The following RIMBP2 variants were observed in gnomAD, a reference collection of about 807,000 sequenced individuals.
The protein encoded by RIMBP2 is RIMS-binding protein 2.
A neutral mutation model predicts 118.6 loss-of-function variants in RIMBP2; 48 were observed. The observed-to-expected ratio is 0.40, with a 90% CI of 0.32 to 0.51. The LOEUF is 0.51. RIMBP2 is among the 20% of genes least tolerant of loss of function. The pLI, the probability that RIMBP2 is intolerant of heterozygous loss-of-function variation, is 0.41. For missense variants in RIMBP2, 1,551 were observed against 1,768.3 expected, an observed-to-expected ratio of 0.88 and a Z score of 2.20; for synonymous variants, 762 against 742.9, an observed-to-expected ratio of 1.03 and a Z score of -0.42.
chr12:130,553,120 T>C (rs886844484), intron 2 of RIMBP2, among the ~76,000 whole-genome samples: 11 of 148,536 alleles, frequency 7.4e-5, no homozygotes, highest in Non-Finnish European at 1.3e-4. Flanking sequence ...ACCACTGCAC[T>C]CCAGCCTGGG....
At chr12:130,628,026 C>T (rs140761019) in intron 2 of RIMBP2, among the ~76,000 whole-genome samples, 134 of 152,292 alleles carry the variant, frequency 8.8e-4, no homozygotes, top group Middle Eastern at 3.4e-3. Context: ...CCCTGAGGTC[C>T]TGAATGAACT....
intron 2 of RIMBP2, among the ~76,000 whole-genome samples, chr12:130,595,680 A>AG (rs11451105): frequency 0.81 from 122,859 of 152,206 alleles, 49,848 homozygotes; most frequent in South Asian, 0.88. Flanking sequence ...GTGTGAGAAC[A>AG]ATGCGCGTGC....
intron 5 of RIMBP2, among the ~76,000 whole-genome samples, chr12:130,478,709 G>A (rs2081660286): frequency 6.6e-6 from 1 of 152,140 alleles, no homozygotes; most frequent in Admixed American, 6.5e-5. Context: ...ATCTGCTTTC[G>A]CGTTATAAAA....
chr12:130,559,290 C>G (rs1223234738), intron 2 of RIMBP2, among the ~76,000 whole-genome samples: 3 of 152,130 alleles, frequency 2.0e-5, no homozygotes, highest in Admixed American at 6.5e-5. Flanking sequence ...ATTTTGTATC[C>G]TTCCAACAAC....
chr12:130,536,025 G>C (rs879319361), intron 2 of RIMBP2, among the ~76,000 whole-genome samples: 14 of 152,054 alleles, frequency 9.2e-5, no homozygotes, highest in Non-Finnish European at 2.1e-4. Context: ...CTGAGCTCAA[G>C]CAATCTCTCC....
At chr12:130,490,122 T>TAA (rs1566133873) in intron 4 of RIMBP2, among the ~76,000 whole-genome samples, 59 of 83,056 alleles carry the variant, frequency 7.1e-4, no homozygotes, top group African/African-American at 2.9e-3. Flanking sequence ...AGACTCTGTC[T>TAA]CAAAAAAAAA....
intron 2 of RIMBP2, among the ~76,000 whole-genome samples, chr12:130,618,264 G>A (rs992784897): frequency 1.3e-5 from 2 of 152,050 alleles, no homozygotes; most frequent in Non-Finnish European, 2.9e-5. Context: ...TTCACTCCTG[G>A]TTTGATCCAG....
chr12:130,402,448 T>C (rs891978506), intron 21 of RIMBP2, among the ~76,000 whole-genome samples: 1 of 152,108 alleles, frequency 6.6e-6, no homozygotes. Context: ...TTTCGGGCCA[T>C]GTTTCCTGCC....
At chr12:130,714,945 C>T (rs911797109) in intron 1 of RIMBP2, among the ~76,000 whole-genome samples, 4 of 152,224 alleles carry the variant, frequency 2.6e-5, no homozygotes, top group African/African-American at 7.2e-5. Flanking sequence ...GAGCCTTCCC[C>T]CACTGTTCCC....
At chr12:130,600,209 A>G (rs1187567442) in intron 2 of RIMBP2, among the ~76,000 whole-genome samples, 3 of 152,250 alleles carry the variant, frequency 2.0e-5, no homozygotes, top group Non-Finnish European at 4.4e-5. Flanking sequence ...GAGCACTGCC[A>G]TCTTGGACAA....
chr12:130,543,460 C>T lies in RIMBP2; in HGVS notation c.-216-25543G>A, dbSNP rs567875519. On this transcript the variant is annotated intron_variant, in intron 2 of 22. Transcript: ENST00000690449. The stretch of plus-strand genomic sequence containing the variant: ...AGAAAAGATTCTAGCCCATACCAAC[C>T]GTATTGCTGCAGAAAAACTCAGGCC... Among the ~76,000 whole-genome samples, 11 of 152,184 alleles carry T rather than the reference C, an allele frequency of 7.2e-5. No individual in the cohort carries two copies. In the South Asian group the frequency reaches 1.7e-3, roughly 23 times the overall value.
intron 2 of RIMBP2, among the ~76,000 whole-genome samples, chr12:130,575,560 T>TG (rs2058031548): frequency 6.6e-6 from 1 of 152,234 alleles, no homozygotes; most frequent in South Asian, 2.1e-4. Flanking sequence ...GACCCATTCC[T>TG]GCCTGCAACT....
chr12:130,439,913 C>G (rs1431842551), intron 11 of RIMBP2, among the ~76,000 whole-genome samples: 2 of 134,244 alleles, frequency 1.5e-5, no homozygotes, highest in Non-Finnish European at 3.1e-5. Context: ...CTATGTGAGT[C>G]TGTGGGGGTG....
intron 1 of RIMBP2, among the ~76,000 whole-genome samples, chr12:130,644,829 A>C (rs2062778711): frequency 6.6e-6 from 1 of 152,222 alleles, no homozygotes; most frequent in South Asian, 2.1e-4. Flanking sequence ...CAAAGCACCC[A>C]ACGGCTCTGG....
At chr12:130,435,234 C>A (rs959613529) in intron 13 of RIMBP2, among the ~76,000 whole-genome samples, 1 of 152,060 alleles carries the variant, frequency 6.6e-6, no homozygotes, top group African/African-American at 2.4e-5. Context: ...TTAGTAGAGA[C>A]AGAGTTTCAC....
chr12:130,504,618 T>C lies in RIMBP2; in HGVS notation c.-4+2030A>G, dbSNP rs78838259. Among the ~76,000 whole-genome samples, 1,240 of 152,246 alleles carry C rather than the reference T, an allele frequency of 8.1e-3. 22 individuals are homozygous for C. The highest frequency in any genetic ancestry group is 0.028 in the African/African-American group (1,155 of 41,526). On this transcript the variant is annotated intron_variant, in intron 4 of 22. Coordinates refer to ENST00000690449, the MANE Select transcript of RIMBP2 (RefSeq NM_001393629.1). ...ACGCAGTCCTGCCAACACCAGATCG[T>C]AGCCCTGTGAGGCTCATCTCAGACT...
intron 7 of RIMBP2, among the ~76,000 whole-genome samples, chr12:130,454,499 T>G (rs1460917662): frequency 6.6e-6 from 1 of 150,664 alleles, no homozygotes; most frequent in Non-Finnish European, 1.5e-5. Context: ...GTGAGGGGAG[T>G]GCCAGGGCAA....
intron 2 of RIMBP2, among the ~76,000 whole-genome samples, chr12:130,565,242 TA>T: frequency 6.6e-6 from 1 of 152,116 alleles, no homozygotes; most frequent in East Asian, 1.9e-4. Context: ...ATAATTTTTT[TA>T]AAAAATGGAA....
chr12:130,547,357 G>C (rs558008127), intron 2 of RIMBP2, among the ~76,000 whole-genome samples: 1 of 152,160 alleles, frequency 6.6e-6, no homozygotes, highest in African/African-American at 2.4e-5. Context: ...ACAGTTGTGC[G>C]GATTGTTTAG....
Sources: allele counts gnomAD v4.1 joint callset (sites outside exome capture counted in the v4.1 genomes callset), GRCh38; gene constraint gnomAD v4.1.1; transcripts MANE v1.5; gene names NCBI Gene and HGNC (gene_info 2026-07-23, HGNC 2026-07-21).